SLCO1C1: variants seen among roughly 807,000 people sequenced by gnomAD.
The protein encoded by SLCO1C1 is OAT-RP-5.
A neutral mutation model predicts 76.4 loss-of-function variants in SLCO1C1; 70 were observed. The observed-to-expected ratio is 0.92, with a 90% CI of 0.76 to 1.12. The LOEUF is 1.12. SLCO1C1 is among the 50% of genes most tolerant of loss of function. The pLI is 0.00. For synonymous variants in SLCO1C1, 306 were observed against 286.1 expected, an observed-to-expected ratio of 1.07 and a Z score of -0.70; for missense variants, 912 against 823.8, an observed-to-expected ratio of 1.11 and a Z score of -1.31.
chr12:20,715,073 T>C (rs1317978629), intron 5 of SLCO1C1, 66 bp from the exon 6 acceptor site: 4 of 1,583,426 alleles, frequency 2.5e-6, no homozygotes, highest in Non-Finnish European at 3.4e-6. Context: ...ACGGTAGAAA[T>C]GCAGAATAAA....
chr12:20,712,575 C>T (rs1947162422), intron 5 of SLCO1C1, among the ~76,000 whole-genome samples: 1 of 152,184 alleles, frequency 6.6e-6, no homozygotes, highest in Non-Finnish European at 1.5e-5. Flanking sequence ...AATTTCAACC[C>T]CTACTCCTAA....
intron 5 of SLCO1C1, 70 bp from the exon 6 acceptor site, chr12:20,715,069 G>A: frequency 6.4e-7 from 1 of 1,570,390 alleles, no homozygotes; most frequent in Admixed American, 1.7e-5. Context: ...ATATACGGTA[G>A]AAATGCAGAA....
chr12:20,711,653 C>G, intron 5 of SLCO1C1, 143 bp downstream of exon 5: 1 of 797,808 alleles, frequency 1.3e-6, no homozygotes. Flanking sequence ...CATAAAAATT[C>G]CTAGAATATA....
chr12:20,733,173 C>A, intron 10 of SLCO1C1, 69 bp downstream of exon 10: 4 of 1,387,926 alleles, frequency 2.9e-6, no homozygotes, highest in East Asian at 2.5e-5. Flanking sequence ...GGTGGAGTTG[C>A]AAAAAAGGAA....
chr12:20,695,810 A>C lies in SLCO1C1; in HGVS notation c.-26+3A>C, dbSNP rs1267132174. 1 of 152,236 alleles carries C rather than the reference A, an allele frequency of 6.6e-6. No homozygotes were observed. Among genetic ancestry groups the C allele is most frequent in the South Asian group, 2.1e-4 (1 of 4,822 alleles). 9.4% of individuals were successfully genotyped at this position (152,236 alleles called of 1,614,324 possible). On this transcript the variant is annotated splice_donor_region_variant and intron_variant, in intron 1 of 14. Coordinates refer to ENST00000266509, the MANE Select transcript of SLCO1C1 (RefSeq NM_017435.5). ...CTATCTTTGATCTCTTCCTCCAGGT[A>C]AGACTTGGTTCTCTCATTTTATATT...
chr12:20,747,014 TAGG>T (rs71039984), intron 13 of SLCO1C1, among the ~76,000 whole-genome samples: 65,803 of 151,786 alleles, frequency 0.43, 16,933 homozygotes, highest in East Asian at 0.6. Context: ...TAAAATGTGT[TAGG>T]AGTAAGAATG....
chr12:20,725,072 TATA>T (rs887143037), intron 9 of SLCO1C1, among the ~76,000 whole-genome samples: 49 of 128,030 alleles, frequency 3.8e-4, no homozygotes, highest in African/African-American at 1.3e-3. Context: ...TTATATATAT[TATA>T]ATAAATTATA....
rs748180376 is a variant in SLCO1C1 at position 20,711,505 on chromosome 12, G to A, written c.524G>A (p.Ser175Asn). 15 of 1,612,924 alleles carry A rather than the reference G, an allele frequency of 9.3e-6. 1 individual carries two copies. The highest frequency in any genetic ancestry group is 6.6e-5 in the South Asian group (6 of 90,954). Residue 175 changes from serine (S) to asparagine (N), a missense_variant, in exon 5 of 15, where the codon AGT becomes AAT. By Grantham distance (46) the Ser-to-Asn change is conservative. Transcript: ENST00000266509. ...SVMEKSKSKI[S>N]NECEVDTSSS... ...ATGGAAAAATCAAAATCCAAAATAAGTAACGGTAAGATCATTTTTTTGACT... is the reference window on the plus strand; with the variant it reads ...ATGGAAAAATCAAAATCCAAAATAAATAACGGTAAGATCATTTTTTTGACT...
chr12:20,725,049 T>C (rs2120776339), intron 9 of SLCO1C1, among the ~76,000 whole-genome samples: 1 of 137,780 alleles, frequency 7.3e-6, no homozygotes, highest in South Asian at 2.2e-4. Flanking sequence ...ATATAATATG[T>C]ATTAATTATA....
At chr12:20,739,895 A>G (rs2120873302) in intron 11 of SLCO1C1, among the ~76,000 whole-genome samples, 1 of 152,284 alleles carries the variant, frequency 6.6e-6, no homozygotes, top group South Asian at 2.1e-4. Context: ...GTTACTTAGC[A>G]TTGGAAGTGG....
chr12:20,712,741 C>G (rs1947176060), intron 5 of SLCO1C1, among the ~76,000 whole-genome samples: 1 of 151,992 alleles, frequency 6.6e-6, no homozygotes, highest in African/African-American at 2.4e-5. Flanking sequence ...TTTTTCCAGG[C>G]AATGAACCCC....
rs149739069 is a variant in SLCO1C1, at chr12:20,727,401, G to C, written c.1186+4147G>C. Reference sequence around the variant, plus strand: ...ATTTTAACAAAAGCCATTTTGACTGGTGTGAGATGGTTTCTCATTGTGGTT... The same window carrying C: ...ATTTTAACAAAAGCCATTTTGACTGCTGTGAGATGGTTTCTCATTGTGGTT... On this transcript the variant is annotated intron_variant, in intron 9 of 14. Transcript: ENST00000266509. Among the ~76,000 whole-genome samples the C allele has an allele frequency of 2.3e-3, 350 of 152,260 alleles. 2 individuals carry two copies. Among genetic ancestry groups the C allele is most frequent in the African/African-American group, 8.3e-3 (343 of 41,550 alleles).
chr12:20,750,721 A>G lies in SLCO1C1; in HGVS notation c.1845A>G (p.Ser615=). The G allele has an allele frequency of 3.1e-6, 5 of 1,614,062 alleles. No homozygotes were observed. Among genetic ancestry groups the G allele is most frequent in the Non-Finnish European group, 4.2e-6 (5 of 1,179,936 alleles). ...PVYFGVLIDT[S]CLKWGFKRCG... ...ATTTTGGAGTTTTGATTGATACTTCATGCCTCAAATGGGGATTTAAAAGAT... is the reference window on the plus strand; with the variant it reads ...ATTTTGGAGTTTTGATTGATACTTCGTGCCTCAAATGGGGATTTAAAAGAT... Residue 615 remains serine, a synonymous_variant, in exon 14 of 15, where the codon TCA becomes TCG. Coordinates refer to ENST00000266509, the MANE Select transcript of SLCO1C1 (RefSeq NM_017435.5).
rs1171777644 is a variant in SLCO1C1 at position 20,733,012 on chromosome 12, A to G, written c.1290A>G (p.Gly430=). The change falls in exon 10 of 15, where the codon GGA becomes GGG. Residue 430 remains glycine, a synonymous_variant. Coordinates refer to ENST00000266509, the MANE Select transcript of SLCO1C1 (RefSeq NM_017435.5). ...GTGGAGCTGCAAAACTCTACTTGGG[A>G]TCATCTGTCTTTGGTTACCTCCTAT... ...SVCGAAKLYL[G]SSVFGYLLFL... is the part of the protein sequence containing the mutation. 1.2e-6 allele frequency: 2 copies of G among 1,613,554 alleles called. No individual in the cohort carries two copies. The highest frequency in any genetic ancestry group is 1.7e-6 in the Non-Finnish European group (2 of 1,179,854).
intron 14 of SLCO1C1, 68 bp downstream of exon 14, chr12:20,750,860 A>T (rs750715076): frequency 6.2e-7 from 1 of 1,613,938 alleles, no homozygotes; most frequent in Admixed American, 1.7e-5. Flanking sequence ...TGCCACTGAC[A>T]CTAACAAGTT....
Position 20,717,657 on chromosome 12 carries a change from T to C in SLCO1C1, c.775+427T>C, listed in dbSNP as rs1288868207. 4.1e-3 allele frequency among the ~76,000 whole-genome samples: 298 copies of C among 72,864 alleles called. 1 individual carries two copies. Among genetic ancestry groups the C allele is most frequent in the African/African-American group, 0.021 (280 of 13,306 alleles). The allele number at this position is 72,864 out of a possible 152,430, so 47.8% of individuals were successfully genotyped here. A position where few individuals can be genotyped will look rare whatever the true frequency, so the allele number is the denominator to read the frequency against. On this transcript the variant is annotated intron_variant, in intron 7 of 14. Coordinates refer to ENST00000266509, the MANE Select transcript of SLCO1C1 (RefSeq NM_017435.5). ...CAACCAAACAGCCCTTCTTTTTTTTTTTTTTTTTTTTTTTTTTTTTTTTTT... is the reference window on the plus strand; with the variant it reads ...CAACCAAACAGCCCTTCTTTTTTTTCTTTTTTTTTTTTTTTTTTTTTTTTT...
intron 9 of SLCO1C1, among the ~76,000 whole-genome samples, chr12:20,723,633 T>C (rs1266055116): frequency 6.6e-6 from 1 of 152,198 alleles, no homozygotes; most frequent in Admixed American, 6.5e-5. Flanking sequence ...ACAAAACTTG[T>C]ATTTTCGCGG....
chr12:20,702,133 A>AT (rs550298727), intron 3 of SLCO1C1, among the ~76,000 whole-genome samples: 82 of 152,012 alleles, frequency 5.4e-4, no homozygotes, highest in Middle Eastern at 6.8e-3. Flanking sequence ...AAAGGCTTTA[A>AT]TTTTTTGCTG....
Position 20,737,267 on chromosome 12 carries a change from A to T in SLCO1C1, c.1543A>T (p.Asn515Tyr). 2.6e-6 allele frequency: 4 copies of T among 1,555,742 alleles called. No homozygotes were observed. The highest frequency in any genetic ancestry group is 2.5e-5 in the East Asian group (1 of 40,752). ...GCQTSNRSGK[N>Y]IIFYNCTCVG... ...TCAAACCTCCAACAGGAGTGGAAAA[A>T]ATATTGTAAGAAATCACCTCTCAAG... The change falls in exon 11 of 15, where the codon AAT (asparagine) becomes TAT (tyrosine). Residue 515 changes from asparagine to tyrosine, a missense_variant. By Grantham distance (143) the Asn-to-Tyr change is moderately radical. Transcript: ENST00000266509.
Sources: gnomAD v4.1 joint callset for allele counts (sites outside exome capture counted in the v4.1 genomes callset) on GRCh38, gnomAD v4.1.1 for gene constraint, MANE v1.5 for transcripts, NCBI Gene and HGNC (gene_info 2026-07-23, HGNC 2026-07-21) for gene names.